The following DENND5A variants were observed in gnomAD, a reference collection of about 807,000 sequenced individuals.
DENND5A encodes DENN domain containing 5A.
DENND5A carries 64 observed loss-of-function variants against 140.3 expected under a neutral mutation model. That is an observed-to-expected ratio of 0.46 (90% CI 0.37 to 0.56). The LOEUF is 0.56. Among genes scored for constraint, DENND5A ranks in the 20% least tolerant of loss-of-function variants. The pLI, the probability that DENND5A is intolerant of heterozygous loss-of-function variation, is 0.00. For missense variants in DENND5A, 1,292 were observed against 1,593.8 expected (o/e 0.81, Z 3.22); for synonymous variants, 605 against 607.7 (o/e 1.00, Z 0.07).
In DENND5A at chr11:9,152,273, G is replaced by T. The variant is rs944746793; in HGVS notation, c.2521+85C>A. 6 of 1,005,184 alleles carry T rather than the reference G, an allele frequency of 6.0e-6. No individual in the cohort carries two copies. The African/African-American group carries it at 7.9e-5, about 13-fold the overall frequency. 62.3% of individuals were successfully genotyped at this position (1,005,184 alleles called of 1,614,324 possible). ...CCAGAGCAAAAGCTTCTTCGACCTG[G>T]AATAGTTTGCTTCAAAGTGATCACG... On this transcript the variant is annotated intron_variant, in intron 13 of 22. Transcript: ENST00000328194.
chr11:9,248,909 TG>T (rs1851593877), intron 1 of DENND5A, among the ~76,000 whole-genome samples: 1 of 151,958 alleles, frequency 6.6e-6, no homozygotes, highest in Non-Finnish European at 1.5e-5. Flanking sequence ...AAAGAAAGAA[TG>T]AAAAAGGCAT....
chr11:9,187,659 A>T (rs1300844885), intron 5 of DENND5A, among the ~76,000 whole-genome samples: 4 of 152,170 alleles, frequency 2.6e-5, no homozygotes, highest in African/African-American at 9.7e-5. Context: ...AAGATAGAAA[A>T]AAATGGTACC....
rs1847300685 is a variant in DENND5A, at chr11:9,143,080, C to T, written c.3388-235G>A. 31 of 607,102 alleles carry T rather than the reference C, an allele frequency of 5.1e-5. No individual in the cohort carries two copies. In the South Asian group the frequency reaches 6.8e-4, roughly 13 times the overall value. The allele number at this position is 607,102 out of a possible 1,614,324, so 37.6% of individuals were successfully genotyped here. The stretch of plus-strand genomic sequence containing the variant: ...GATCTGGGTCACACACAAGGAGATT[C>T]TCCACTGGAGGACAAAGCCAGTGTG... On this transcript the variant is annotated intron_variant, in intron 20 of 22. Transcript: ENST00000328194.
chr11:9,157,086 T>G (rs1847830840), intron 12 of DENND5A, among the ~76,000 whole-genome samples: 1 of 152,182 alleles, frequency 6.6e-6, no homozygotes. Flanking sequence ...ATTTAAAAGT[T>G]TTCAGCATAT....
intron 12 of DENND5A, among the ~76,000 whole-genome samples, chr11:9,157,530 G>C (rs1847850053): frequency 6.6e-6 from 1 of 152,046 alleles, no homozygotes; most frequent in Non-Finnish European, 1.5e-5. Context: ...TCCCTTCTTT[G>C]TGTCCATGGG....
chr11:9,218,265 AT>A (rs753221140), intron 1 of DENND5A, among the ~76,000 whole-genome samples: 36 of 151,750 alleles, frequency 2.4e-4, no homozygotes, highest in Admixed American at 9.2e-4. Flanking sequence ...TCTCAAAAAA[AT>A]AAACAAAAAA....
chr11:9,231,625 G>C (rs892949265), intron 1 of DENND5A, among the ~76,000 whole-genome samples: 8 of 144,460 alleles, frequency 5.5e-5, no homozygotes, highest in African/African-American at 2.0e-4. Context: ...TGAGGCAAGA[G>C]AATCACTTGA....
chr11:9,159,595 G>A (rs2018382198), intron 12 of DENND5A, among the ~76,000 whole-genome samples: 1 of 152,212 alleles, frequency 6.6e-6, no homozygotes. Context: ...TGGGATTACA[G>A]GTGTGAGCCA....
At position 9,247,207 on chromosome 11, in the gene DENND5A, G is replaced by C. The variant is rs190947268; in HGVS notation, c.109+17754C>G. On this transcript the variant is annotated intron_variant, in intron 1 of 22. Transcript: ENST00000328194. ...ATCGTGCCACTGCACTCCAGCCTGG[G>C]CGACAGAGCGAGACTCCGTCTTAAA... 3.6e-4 allele frequency among the ~76,000 whole-genome samples: 54 copies of C among 151,060 alleles called. No individual in the cohort carries two copies. In the Middle Eastern group the frequency reaches 0.014, roughly 38 times the overall value.
intron 1 of DENND5A, among the ~76,000 whole-genome samples, chr11:9,243,849 G>A (rs994907714): frequency 6.6e-6 from 1 of 152,082 alleles, no homozygotes; most frequent in Non-Finnish European, 1.5e-5. Context: ...TCACACCACT[G>A]CACTCCAGCC....
In DENND5A at chr11:9,160,840, A is replaced by G; in HGVS notation, c.2309T>C (p.Met770Thr). ...CCCTAGCTCCACAGCTTCTCGGCCC[A>G]TCTTTTCCACCAGCATCCTCTTGGT... is the stretch of plus-strand genomic sequence containing the variant. ...NKTKRMLVEK[M>T]GREAVELGHG... The change falls in exon 12 of 23, where the codon ATG becomes ACG. Residue 770 changes from methionine to threonine, a missense_variant. By Grantham distance (81) the Met-to-Thr change is moderately conservative (BLOSUM62 -1). Transcript: ENST00000328194. 6.2e-7 allele frequency: 1 copy of G among 1,614,000 alleles called. No individual in the cohort carries two copies. Among genetic ancestry groups the G allele is most frequent in the South Asian group, 1.1e-5 (1 of 91,074 alleles).
chr11:9,263,537 A>G (rs1043714268), intron 1 of DENND5A, among the ~76,000 whole-genome samples: 8 of 145,412 alleles, frequency 5.5e-5, no homozygotes, highest in Admixed American at 4.8e-4. Flanking sequence ...GCCCCGCCTA[A>G]TTTTTTTTTC....
chr11:9,198,481 C>T (rs1442556802), intron 4 of DENND5A, among the ~76,000 whole-genome samples: 1 of 151,768 alleles, frequency 6.6e-6, no homozygotes, highest in Admixed American at 6.6e-5. Flanking sequence ...CGTGGTGGTG[C>T]ACACCTGTAG....
chr11:9,207,507 T>C (rs1056665543), intron 2 of DENND5A, 54 bp downstream of exon 2: 5 of 1,333,732 alleles, frequency 3.7e-6, no homozygotes, highest in Non-Finnish European at 5.4e-6. Flanking sequence ...TGGAGAGATA[T>C]ATGTAAGAAC....
At chr11:9,194,690 A>G (rs150315277) in intron 4 of DENND5A, among the ~76,000 whole-genome samples, 12 of 151,636 alleles carry the variant, frequency 7.9e-5, no homozygotes, top group Non-Finnish European at 1.6e-4. Context: ...GCTTGTGATC[A>G]TATTTGGCTT....
intron 1 of DENND5A, among the ~76,000 whole-genome samples, chr11:9,244,516 T>A (rs1345916026): frequency 6.6e-6 from 1 of 152,124 alleles, no homozygotes; most frequent in Admixed American, 6.5e-5. Context: ...ATTACAGGCA[T>A]GTGCCACCAC....
chr11:9,234,799 T>C (rs949344186), intron 1 of DENND5A, among the ~76,000 whole-genome samples: 4 of 152,288 alleles, frequency 2.6e-5, no homozygotes, highest in Middle Eastern at 3.4e-3. Flanking sequence ...TTATTTCCCA[T>C]AAGGAATACT....
chr11:9,262,484 A>G (rs1377233109), intron 1 of DENND5A, among the ~76,000 whole-genome samples: 1 of 152,160 alleles, frequency 6.6e-6, no homozygotes, highest in Non-Finnish European at 1.5e-5. Context: ...AGCCAGGCCA[A>G]TGAGATGCAG....
chr11:9,139,934 G>C, intron 22 of DENND5A, 80 bp from the exon 23 acceptor site: 1 of 1,394,756 alleles, frequency 7.2e-7, no homozygotes, highest in Non-Finnish European at 9.9e-7. Flanking sequence ...GGCCAAGGGG[G>C]AAACCATGAA....
Sources: allele counts gnomAD v4.1 joint callset (sites outside exome capture counted in the v4.1 genomes callset), GRCh38; gene constraint gnomAD v4.1.1; transcripts MANE v1.5; gene names NCBI Gene and HGNC (gene_info 2026-07-23, HGNC 2026-07-21).